The following MYO3B variants were observed in gnomAD, a reference collection of about 807,000 sequenced individuals.
MYO3B encodes myosin IIIB, also known as myosin-IIIb.
MYO3B carries 156 observed loss-of-function variants against 174.6 expected under a neutral mutation model. The observed-to-expected ratio is 0.89, with a 90% CI of 0.78 to 1.02. The LOEUF (loss-of-function observed/expected upper bound fraction) is 1.02, where lower values mean the gene tolerates loss of function less well. Ranked by LOEUF, MYO3B falls within the 50% of genes least tolerant of loss-of-function variation. The pLI is 0.00. For missense variants in MYO3B, 1,632 were observed against 1,639.4 expected (o/e 1.00, Z 0.08); for synonymous variants, 563 against 569.1 (o/e 0.99, Z 0.15).
At chr2:170,436,747 G>A (rs2094757360) in intron 22 of MYO3B, among the ~76,000 whole-genome samples, 1 of 152,202 alleles carries the variant, frequency 6.6e-6, no homozygotes, top group Non-Finnish European at 1.5e-5. Context: ...GGTGAAGGGT[G>A]TGTGGGGTAG....
chr2:170,364,265 G>C (rs1197259718), intron 8 of MYO3B, among the ~76,000 whole-genome samples: 1 of 137,578 alleles, frequency 7.3e-6, no homozygotes, highest in Non-Finnish European at 1.6e-5. Context: ...GCTTGGAAAC[G>C]TGGGCTCAAA....
intron 30 of MYO3B, among the ~76,000 whole-genome samples, chr2:170,525,538 G>A (rs2106156710): frequency 6.6e-6 from 1 of 152,280 alleles, no homozygotes; most frequent in South Asian, 2.1e-4. Flanking sequence ...GATAATGCTG[G>A]TGCAAATGTT....
intron 25 of MYO3B, among the ~76,000 whole-genome samples, chr2:170,467,229 A>G (rs891126758): frequency 6.6e-6 from 1 of 152,208 alleles, no homozygotes; most frequent in Admixed American, 6.5e-5. Flanking sequence ...ACAAAACGTA[A>G]AGGTGAGAAA....
chr2:170,295,673 G>A (rs2093624767), intron 7 of MYO3B, among the ~76,000 whole-genome samples: 1 of 151,968 alleles, frequency 6.6e-6, no homozygotes, highest in Non-Finnish European at 1.5e-5. Context: ...ATAGTTTTTT[G>A]TATAATATTG....
Position 170,605,315 on chromosome 2 carries a change from C to A in MYO3B, c.3734-46313C>A, listed in dbSNP as rs74374277. On this transcript the variant is annotated intron_variant, in intron 32 of 34. Transcript: ENST00000408978. ...AGGGGTTCCTCAGGCATCAGAGAAC[C>A]TTTTTTCTTCTCCCTTTACATTTAT... 5.7e-4 allele frequency among the ~76,000 whole-genome samples: 87 copies of A among 152,282 alleles called. 1 individual carries two copies. In the East Asian group the frequency reaches 0.015, roughly 26 times the overall value.
intron 8 of MYO3B, among the ~76,000 whole-genome samples, chr2:170,355,938 A>G (rs888639246): frequency 6.6e-5 from 10 of 151,326 alleles, no homozygotes; most frequent in Admixed American, 5.3e-4. Flanking sequence ...CAGTTTATTT[A>G]TTTATTTATT....
intron 22 of MYO3B, among the ~76,000 whole-genome samples, chr2:170,424,053 A>G (rs2094641101): frequency 1.3e-5 from 2 of 152,240 alleles, no homozygotes; most frequent in South Asian, 4.1e-4. Context: ...GTGGGGAAGG[A>G]ACATTGTTTA....
intron 8 of MYO3B, among the ~76,000 whole-genome samples, chr2:170,367,021 G>C (rs1370600331): frequency 1.2e-5 from 1 of 86,280 alleles, no homozygotes; most frequent in African/African-American, 3.2e-5. Context: ...TATTAAGGAG[G>C]AAGGTAGAGA....
intron 30 of MYO3B, among the ~76,000 whole-genome samples, chr2:170,535,237 G>A (rs1045754033): frequency 1.3e-5 from 2 of 152,188 alleles, no homozygotes; most frequent in African/African-American, 4.8e-5. Flanking sequence ...AAAGACTTGG[G>A]AGCCGAATGA....
chr2:170,433,468 G>A (rs1040812759), intron 22 of MYO3B, among the ~76,000 whole-genome samples: 1 of 152,186 alleles, frequency 6.6e-6, no homozygotes, highest in African/African-American at 2.4e-5. Flanking sequence ...AGCCAGAGTT[G>A]TCAGTTCACT....
intron 6 of MYO3B, among the ~76,000 whole-genome samples, chr2:170,218,789 CATTATT>C (rs201393552): frequency 6.6e-6 from 1 of 152,048 alleles, no homozygotes; most frequent in Non-Finnish European, 1.5e-5. Context: ...CTCCTTCTCC[CATTATT>C]ATTATTATTA....
rs114209085 is a variant in MYO3B at position 170,436,296 on chromosome 2, A to C, written c.2651-7671A>C. 1.7e-3 allele frequency among the ~76,000 whole-genome samples: 255 copies of C among 152,360 alleles called. 1 individual carries two copies. The highest frequency in any genetic ancestry group is 5.9e-3 in the African/African-American group (246 of 41,590). The stretch of plus-strand genomic sequence containing the variant: ...CTGAGGATGCTTAACATTTGAAAGA[A>C]GTGTGAACACTATTTACATTTAAAT... On this transcript the variant is annotated intron_variant, in intron 22 of 34. Coordinates refer to ENST00000408978, the MANE Select transcript of MYO3B (RefSeq NM_138995.5).
At chr2:170,315,153 A>C (rs1012572502) in intron 7 of MYO3B, among the ~76,000 whole-genome samples, 2 of 152,230 alleles carry the variant, frequency 1.3e-5, no homozygotes, top group African/African-American at 4.8e-5. Context: ...GCTTCTGAAA[A>C]GACTGAAGCT....
rs535569856 is a variant in MYO3B, at chr2:170,282,676, CTG to C, written c.749+46542_749+46543del. ...ATATTTTAATAGGGATGCATTGACT[CTG>C]TAGATTACTTTGATTAGCATGATCA... On this transcript the variant is annotated intron_variant, in intron 7 of 34. Coordinates refer to ENST00000408978, the MANE Select transcript of MYO3B (RefSeq NM_138995.5). Among the ~76,000 whole-genome samples, 692 of 152,108 alleles carry C rather than the reference CTG, an allele frequency of 4.5e-3. 8 individuals are homozygous for C. Among genetic ancestry groups the C allele is most frequent in the African/African-American group, 0.016 (655 of 41,476 alleles).
intron 7 of MYO3B, among the ~76,000 whole-genome samples, chr2:170,310,407 G>A (rs186996119): frequency 1.1e-3 from 167 of 152,148 alleles, no homozygotes; most frequent in African/African-American, 3.9e-3. Context: ...TCATGCCTGT[G>A]ATCCCAGCAC....
intron 30 of MYO3B, among the ~76,000 whole-genome samples, chr2:170,541,743 G>T (rs1417353638): frequency 6.6e-6 from 1 of 152,152 alleles, no homozygotes; most frequent in African/African-American, 2.4e-5. Flanking sequence ...CTGGGTAGGT[G>T]CTTACACAGA....
intron 6 of MYO3B, among the ~76,000 whole-genome samples, chr2:170,234,771 T>C (rs575645890): frequency 6.6e-6 from 1 of 152,318 alleles, no homozygotes; most frequent in Admixed American, 6.5e-5. Context: ...TTTGGAGTGT[T>C]CCTTAGCTCT....
intron 8 of MYO3B, chr2:170,350,934 C>A (rs2094061929): frequency 6.6e-6 from 1 of 151,852 alleles, no homozygotes; most frequent in African/African-American, 2.4e-5. Flanking sequence ...TAGGTTTATA[C>A]TTTTCCAAAC....
intron 23 of MYO3B, among the ~76,000 whole-genome samples, chr2:170,460,192 A>G (rs1334513082): frequency 6.6e-6 from 1 of 152,092 alleles, no homozygotes; most frequent in Admixed American, 6.5e-5. Flanking sequence ...GTCACCTCTC[A>G]ATATCACCTA....
Sources: allele counts gnomAD v4.1 joint callset (sites outside exome capture counted in the v4.1 genomes callset), GRCh38; gene constraint gnomAD v4.1.1; transcripts MANE v1.5; gene names NCBI Gene and HGNC (gene_info 2026-07-23, HGNC 2026-07-21).